Variants in CARM1 observed in about 807,000 individuals in gnomAD.
CARM1 encodes histone-arginine methyltransferase CARM1.
Under a neutral mutation model 72.7 loss-of-function variants are expected in CARM1, and 14 were observed. The ratio of observed to expected loss-of-function variants is 0.19; its 90% CI spans 0.13 to 0.30. The LOEUF is 0.30. CARM1 is among the 10% of genes least tolerant of loss of function. CARM1 has a pLI of 1.00. For missense variants in CARM1, 432 were observed against 833.7 expected (o/e 0.52, Z 5.93); for synonymous variants, 333 against 345.5 (o/e 0.96, Z 0.40).
chr19:10,872,556 G>C (rs1219183426), intron 1 of CARM1, among the ~76,000 whole-genome samples: 1 of 152,172 alleles, frequency 6.6e-6, no homozygotes, highest in South Asian at 2.1e-4. Flanking sequence ...GTGGAAACGT[G>C]GACGGGACGG....
chr19:10,891,235 T>C (rs748300586), intron 1 of CARM1, among the ~76,000 whole-genome samples: 2 of 151,966 alleles, frequency 1.3e-5, no homozygotes, highest in African/African-American at 4.8e-5. Flanking sequence ...GGGCCGGGCA[T>C]GGGTGGGTTC....
intron 8 of CARM1, among the ~76,000 whole-genome samples, chr19:10,917,553 T>A (rs1466464353): frequency 6.6e-6 from 1 of 152,140 alleles, no homozygotes; most frequent in Non-Finnish European, 1.5e-5. Flanking sequence ...TTTGGGAGAC[T>A]CTTGGACTAT....
rs909103614 is a variant in CARM1, at chr19:10,920,248, C to T, written c.1197-188C>T. Among the ~76,000 whole-genome samples the T allele has an allele frequency of 3.9e-5, 6 of 151,972 alleles. No individual in the cohort carries two copies. The highest frequency in any genetic ancestry group is 3.3e-4 in the Admixed American group (5 of 15,252). On this transcript the variant is annotated intron_variant, in intron 10 of 15. Transcript: ENST00000327064. The surrounding 1 kb of genome is among the most constrained non-coding windows in gnomAD (Gnocchi z 5.3). ...AGGGATCTCGTGGTTGCGGGCCCCT[C>T]GTGTGTACATGTATGCCTGCTCATG...
At chr19:10,898,114 G>GAA (rs1161821831) in intron 1 of CARM1, among the ~76,000 whole-genome samples, 1 of 122,448 alleles carries the variant, frequency 8.2e-6, no homozygotes, top group Non-Finnish European at 1.8e-5. Flanking sequence ...TCAAAAAAAA[G>GAA]AAAAAAAAAA....
chr19:10,888,765 G>C (rs924256177), intron 1 of CARM1, among the ~76,000 whole-genome samples: 4 of 152,244 alleles, frequency 2.6e-5, no homozygotes, highest in Admixed American at 1.3e-4. Context: ...CCAGGCGGTG[G>C]CAGCTGATTA....
At chr19:10,883,895 G>T (rs746964861) in intron 1 of CARM1, among the ~76,000 whole-genome samples, 6 of 151,892 alleles carry the variant, frequency 4.0e-5, no homozygotes, top group Non-Finnish European at 8.8e-5. Context: ...GTGTGCGCCT[G>T]TAATCCCAGC....
At position 10,915,746 on chromosome 19, in the gene CARM1, G is replaced by T. The variant is rs2074190816; in HGVS notation, c.848-661G>T. On this transcript the variant is annotated intron_variant, in intron 6 of 15. Transcript: ENST00000327064. This position sits in a 1 kb window ranked among gnomAD's most constrained non-coding sequence, Gnocchi z 4.6. ...TGGAGGCCAGGTGCTCCTTGGGGCA[G>T]GCGGGGCTGCGGGGCCCTGATCCTC... Among the ~76,000 whole-genome samples, 2 of 152,260 alleles carry T rather than the reference G, an allele frequency of 1.3e-5. No homozygotes were observed. Among genetic ancestry groups the T allele is most frequent in the East Asian group, 3.9e-4 (2 of 5,158 alleles).
intron 1 of CARM1, among the ~76,000 whole-genome samples, chr19:10,881,718 C>T (rs2073903519): frequency 6.6e-6 from 1 of 151,976 alleles, no homozygotes; most frequent in Non-Finnish European, 1.5e-5. Context: ...CACTGAGACC[C>T]ACTCTTTCAT....
intron 1 of CARM1, among the ~76,000 whole-genome samples, chr19:10,883,348 G>A (rs2073916166): frequency 1.3e-5 from 2 of 152,082 alleles, no homozygotes; most frequent in South Asian, 2.1e-4. Context: ...AGACCCCCTC[G>A]TCCCCAGTGA....
intron 1 of CARM1, among the ~76,000 whole-genome samples, chr19:10,901,951 G>T (rs1412903300): frequency 6.6e-6 from 1 of 150,662 alleles, no homozygotes; most frequent in Non-Finnish European, 1.5e-5. Context: ...TCTGTCTCAA[G>T]AAAATATATA....
intron 15 of CARM1, 25 bp downstream of exon 15, chr19:10,921,468 C>T (rs769727262): frequency 6.3e-7 from 1 of 1,591,744 alleles, no homozygotes; most frequent in Admixed American, 1.8e-5. Flanking sequence ...GGGGGCAGGG[C>T]CCGTGGGGGC....
At chr19:10,911,383 T>C (rs999230303) in intron 4 of CARM1, among the ~76,000 whole-genome samples, 1 of 152,146 alleles carries the variant, frequency 6.6e-6, no homozygotes, top group Admixed American at 6.5e-5. Context: ...GTGTCTGCCC[T>C]GGCAGGGCCA....
At position 10,912,759 on chromosome 19, in the gene CARM1, G is replaced by A. The variant is rs904523505; in HGVS notation, c.669+465G>A. Among the ~76,000 whole-genome samples the A allele has an allele frequency of 1.2e-4, 18 of 151,988 alleles. No individual in the cohort carries two copies. Among genetic ancestry groups the A allele is most frequent in the Admixed American group, 5.9e-4 (9 of 15,252 alleles). On this transcript the variant is annotated intron_variant, in intron 5 of 15. Transcript: ENST00000327064. The surrounding 1 kb of genome is among the most constrained non-coding windows in gnomAD (Gnocchi z 4.5). ...CCATGGATCTGGGGTCGCCGGGGTC[G>A]TGGAGGGGCCATCTTTGTTCTGTCT...
intron 4 of CARM1, among the ~76,000 whole-genome samples, chr19:10,910,946 AGTGGC>A (rs1472739251): frequency 6.6e-6 from 1 of 152,126 alleles, no homozygotes; most frequent in African/African-American, 2.4e-5. Context: ...GCTGGAATGC[AGTGGC>A]ACAATCTCAG....
rs116675565 is a variant in CARM1 at position 10,873,179 on chromosome 19, G to A, written c.220+1257G>A. On this transcript the variant is annotated intron_variant, in intron 1 of 15. Coordinates refer to ENST00000327064, the MANE Select transcript of CARM1 (RefSeq NM_199141.2). The stretch of plus-strand genomic sequence containing the variant: ...GATCATAAGCAAAACCTATTCACTG[G>A]GCAAGCATTGGTAGCCAACTTTGTC... Among the ~76,000 whole-genome samples the A allele has an allele frequency of 2.3e-3, 344 of 152,226 alleles. 1 individual carries two copies. Among genetic ancestry groups the A allele is most frequent in the African/African-American group, 8.1e-3 (335 of 41,502 alleles).
rs989802743 is a variant in CARM1 at position 10,880,941 on chromosome 19, C to T, written c.220+9019C>T. Among the ~76,000 whole-genome samples, 7 of 147,854 alleles carry T rather than the reference C, an allele frequency of 4.7e-5. 1 individual carries two copies. Among genetic ancestry groups the T allele is most frequent in the Non-Finnish European group, 7.4e-5 (5 of 68,004 alleles). Reference sequence around the variant, plus strand: ...GTTTTGGGAGGCCGAGGCAGCAGGGCGGTTTGAGTCCAGGAATTTACAACC... The same window carrying T: ...GTTTTGGGAGGCCGAGGCAGCAGGGTGGTTTGAGTCCAGGAATTTACAACC... On this transcript the variant is annotated intron_variant, in intron 1 of 15. Coordinates refer to ENST00000327064, the MANE Select transcript of CARM1 (RefSeq NM_199141.2).
chr19:10,920,341 G>C lies in CARM1; in HGVS notation c.1197-95G>C, dbSNP rs1258537806. On this transcript the variant is annotated intron_variant, in intron 10 of 15. Transcript: ENST00000327064. This position sits in a 1 kb window ranked among gnomAD's most constrained non-coding sequence, Gnocchi z 5.3. ...AGGGTCCCAGGGGTCCCTGGCAGAG[G>C]GGGCAGGTGCTTGGGGAGGACTCAA... 11 of 1,432,222 alleles carry C rather than the reference G, an allele frequency of 7.7e-6. No homozygotes were observed. The highest frequency in any genetic ancestry group is 1.0e-5 in the Non-Finnish European group (11 of 1,059,782). 88.7% of individuals were successfully genotyped at this position (1,432,222 alleles called of 1,614,324 possible).
chr19:10,900,480 A>G (rs560912866), intron 1 of CARM1, among the ~76,000 whole-genome samples: 20 of 152,266 alleles, frequency 1.3e-4, no homozygotes, highest in African/African-American at 3.6e-4. Flanking sequence ...TGTTTCTGCT[A>G]TTCATTCATG....
At chr19:10,898,311 A>C (rs1255131178) in intron 1 of CARM1, among the ~76,000 whole-genome samples, 1 of 151,934 alleles carries the variant, frequency 6.6e-6, no homozygotes, top group Admixed American at 6.5e-5. Context: ...AGTCTCAAAA[A>C]AAAAAGATAC....
Sources: gnomAD v4.1 joint callset for allele counts (sites outside exome capture counted in the v4.1 genomes callset) on GRCh38, gnomAD v4.1.1 for gene constraint, Gnocchi (gnomAD v3.1) non-coding constraint, MANE v1.5 for transcripts, NCBI Gene and HGNC (gene_info 2026-07-23, HGNC 2026-07-21) for gene names.